ALPL: variants seen among roughly 807,000 people sequenced by gnomAD.
ALPL encodes alkaline phosphatase, tissue-nonspecific isozyme.
ALPL carries 42 observed loss-of-function variants against 51.3 expected under a neutral mutation model. The ratio of observed to expected loss-of-function variants is 0.82; its 90% CI spans 0.64 to 1.06. The LOEUF (loss-of-function observed/expected upper bound fraction) is 1.06, where lower values mean the gene tolerates loss of function less well. Ranked by LOEUF, ALPL falls within the 50% of genes least tolerant of loss-of-function variation. The pLI, the probability that ALPL is intolerant of heterozygous loss-of-function variation, is 0.00. For synonymous variants in ALPL, 279 were observed against 296.4 expected, an observed-to-expected ratio of 0.94 and a Z score of 0.60; for missense variants, 589 against 709.4, an observed-to-expected ratio of 0.83 and a Z score of 1.93.
chr1:21,532,162 G>C (rs1279268970), intron 1 of ALPL, among the ~76,000 whole-genome samples: 1 of 152,038 alleles, frequency 6.6e-6, no homozygotes, highest in East Asian at 1.9e-4. Flanking sequence ...AGAGTCAGTG[G>C]TATTAGAATA....
intron 1 of ALPL, among the ~76,000 whole-genome samples, chr1:21,541,807 G>A (rs1037745131): frequency 6.6e-6 from 1 of 152,198 alleles, no homozygotes; most frequent in Non-Finnish European, 1.5e-5. Flanking sequence ...GAGGCTGGGA[G>A]CGCTCAGGGG....
intron 1 of ALPL, among the ~76,000 whole-genome samples, chr1:21,522,364 G>A (rs1016571279): frequency 6.6e-6 from 1 of 152,198 alleles, no homozygotes; most frequent in Non-Finnish European, 1.5e-5. Flanking sequence ...GTGAGCCACT[G>A]CACCCGGCCA....
chr1:21,557,489 T>C (rs1488865391), intron 2 of ALPL, among the ~76,000 whole-genome samples: 1 of 152,220 alleles, frequency 6.6e-6, no homozygotes. Flanking sequence ...CCCTGCCTTC[T>C]CAGCACTTAC....
intron 1 of ALPL, among the ~76,000 whole-genome samples, chr1:21,544,615 A>G (rs998966017): frequency 6.6e-6 from 1 of 152,164 alleles, no homozygotes; most frequent in Admixed American, 6.5e-5. Flanking sequence ...GCATGGTGGC[A>G]TGCGCCTGTA....
At chr1:21,538,006 G>T (rs930485767) in intron 1 of ALPL, among the ~76,000 whole-genome samples, 1 of 152,204 alleles carries the variant, frequency 6.6e-6, no homozygotes, top group African/African-American at 2.4e-5. Context: ...GTTGGTGTGA[G>T]GACCAGATGG....
rs1158291938 is a variant in ALPL at position 21,564,570 on chromosome 1, C to T, written c.648+354C>T. On this transcript the variant is annotated intron_variant, in intron 6 of 11. Transcript: ENST00000374840. This position sits in a 1 kb window ranked among gnomAD's most constrained non-coding sequence, Gnocchi z 5.8. ...CCTGCCCTGCGTATTCACATGGTCA[C>T]AGATGGGTACATATCTGTACACTCA... Among the ~76,000 whole-genome samples the T allele has an allele frequency of 6.6e-6, 1 of 152,224 alleles. No homozygotes were observed. The highest frequency in any genetic ancestry group is 1.9e-4 in the East Asian group (1 of 5,196).
chr1:21,571,726 G>C (rs10917014), intron 8 of ALPL, among the ~76,000 whole-genome samples: 1 of 151,212 alleles, frequency 6.6e-6, no homozygotes, highest in South Asian at 2.1e-4. Flanking sequence ...GCAATGGCTC[G>C]CGCCTGTAAT....
At chr1:21,540,567 G>A (rs1644169466) in intron 1 of ALPL, among the ~76,000 whole-genome samples, 1 of 152,230 alleles carries the variant, frequency 6.6e-6, no homozygotes, top group Non-Finnish European at 1.5e-5. Context: ...CATGCAGAGG[G>A]CCTGCTCTCC....
chr1:21,535,369 C>T (rs1337094375), intron 1 of ALPL, among the ~76,000 whole-genome samples: 2 of 152,092 alleles, frequency 1.3e-5, no homozygotes. Context: ...AGTCCCAGCA[C>T]TTTGGGAGGC....
intron 1 of ALPL, among the ~76,000 whole-genome samples, chr1:21,546,337 C>T (rs1570237272): frequency 6.6e-6 from 1 of 152,282 alleles, no homozygotes; most frequent in East Asian, 1.9e-4. Context: ...AGTGTCTCCT[C>T]CTGACCTTGG....
Position 21,576,660 on chromosome 1 carries a change from AG to A in ALPL, c.1309+22del. 6.2e-7 allele frequency: 1 copy of A among 1,613,112 alleles called. No homozygotes were observed. The highest frequency in any genetic ancestry group is 8.5e-7 in the Non-Finnish European group (1 of 1,179,376). On this transcript the variant is annotated intron_variant, in intron 11 of 11. Transcript: ENST00000374840. ...GACTATGGTGAGACCTCCAGGACCC[AG>A]GGCTGGGAGGGGACAGGGCACCCCT...
At chr1:21,566,843 C>T (rs1570282027) in intron 6 of ALPL, among the ~76,000 whole-genome samples, 1 of 152,090 alleles carries the variant, frequency 6.6e-6, no homozygotes, top group Non-Finnish European at 1.5e-5. Context: ...GTGATCCTCC[C>T]GCCTCAGCCT....
At chr1:21,562,873 C>T (rs1372327897) in intron 4 of ALPL, among the ~76,000 whole-genome samples, 1 of 152,190 alleles carries the variant, frequency 6.6e-6, no homozygotes, top group Non-Finnish European at 1.5e-5. Context: ...CTTCTCTGTA[C>T]TTTGGAGAGC....
rs376952056 is a variant in ALPL at position 21,512,974 on chromosome 1, C to T, written c.-105+3457C>T. Among the ~76,000 whole-genome samples the T allele has an allele frequency of 5.9e-5, 9 of 152,084 alleles. No individual in the cohort carries two copies. The East Asian group carries it at 1.5e-3, about 26-fold the overall frequency. The stretch of plus-strand genomic sequence containing the variant: ...GGTTAAGCTGCTCAAGTATTACCAT[C>T]GTTCTTTCTGAATTCCAGTAACCAG... On this transcript the variant is annotated intron_variant, in intron 1 of 11. Coordinates refer to ENST00000374840, the MANE Select transcript of ALPL (RefSeq NM_000478.6).
At chr1:21,529,782 C>T (rs900793915) in intron 1 of ALPL, among the ~76,000 whole-genome samples, 5 of 151,524 alleles carry the variant, frequency 3.3e-5, no homozygotes, top group African/African-American at 7.3e-5. Context: ...CATTTTGTTT[C>T]GTTTTTTTGA....
intron 1 of ALPL, among the ~76,000 whole-genome samples, chr1:21,547,073 CAG>C (rs956925226): frequency 7.2e-5 from 11 of 152,340 alleles, no homozygotes; most frequent in Admixed American, 5.9e-4. Context: ...TCCAAGCTGA[CAG>C]AAACTCTGTC....
chr1:21,539,089 A>G (rs552722124), intron 1 of ALPL, among the ~76,000 whole-genome samples: 1 of 152,258 alleles, frequency 6.6e-6, no homozygotes, highest in Non-Finnish European at 1.5e-5. Context: ...CATATTGCAG[A>G]GAGGGCAAAT....
chr1:21,541,390 C>T (rs1489468424), intron 1 of ALPL, among the ~76,000 whole-genome samples: 2 of 152,214 alleles, frequency 1.3e-5, no homozygotes, highest in Admixed American at 6.5e-5. Context: ...TGGTGAGGGG[C>T]AGAGGCAGGA....
intron 2 of ALPL, among the ~76,000 whole-genome samples, chr1:21,555,034 G>T (rs1376536315): frequency 6.6e-6 from 1 of 151,652 alleles, no homozygotes; most frequent in Admixed American, 6.6e-5. Flanking sequence ...TTTCACCTGG[G>T]TGCAGGCGGG....
Sources: allele counts gnomAD v4.1 joint callset (sites outside exome capture counted in the v4.1 genomes callset), GRCh38; gene constraint gnomAD v4.1.1; non-coding constraint Gnocchi (gnomAD v3.1); transcripts MANE v1.5; gene names NCBI Gene and HGNC (gene_info 2026-07-23, HGNC 2026-07-21).